Variants in DENND10 observed in about 807,000 individuals in gnomAD.
DENND10 encodes the protein DENN domain-containing protein 10.
DENND10 carries 24 observed loss-of-function variants against 43.6 expected under a neutral mutation model. That is an observed-to-expected ratio of 0.55 (90% CI 0.40 to 0.77). DENND10 has a LOEUF of 0.77. Ranked by LOEUF, DENND10 falls within the 30% of genes least tolerant of loss-of-function variation. The probability of loss-of-function intolerance (pLI) is 0.00; values close to 1 mark genes in which losing one functional copy is unlikely to be tolerated. For missense variants in DENND10, 303 were observed against 429.9 expected (o/e 0.70, Z 2.61); for synonymous variants, 125 against 157.6 (o/e 0.79, Z 1.55).
At chr10:119,121,337 G>T (rs1224470769) in intron 5 of DENND10, among the ~76,000 whole-genome samples, 1 of 151,014 alleles carries the variant, frequency 6.6e-6, no homozygotes, top group Non-Finnish European at 1.5e-5. Flanking sequence ...GGGTTTCTGG[G>T]GTCTCACTAT....
At position 119,130,137 on chromosome 10, in the gene DENND10, T is replaced by A. The variant is rs549017471; in HGVS notation, c.802+515T>A. On this transcript the variant is annotated intron_variant, in intron 7 of 8. Coordinates refer to ENST00000361432, the MANE Select transcript of DENND10 (RefSeq NM_207009.4). ...GTCATGTCTCAGCCTCCCGAGTAGT[T>A]GGGTTTACAGGCATGCACCACCATG... 2.0e-5 allele frequency among the ~76,000 whole-genome samples: 3 copies of A among 152,108 alleles called. No individual in the cohort carries two copies. In the South Asian group the frequency reaches 6.2e-4, roughly 32 times the overall value.
intron 8 of DENND10, chr10:119,133,047 C>T (rs906930324): frequency 1.8e-5 from 3 of 168,228 alleles, no homozygotes; most frequent in Non-Finnish European, 3.8e-5. Flanking sequence ...AGACTCCTGT[C>T]CCACTTAGTG....
intron 7 of DENND10, among the ~76,000 whole-genome samples, chr10:119,130,824 C>G (rs1290618916): frequency 6.6e-6 from 1 of 152,208 alleles, no homozygotes; most frequent in Non-Finnish European, 1.5e-5. Context: ...AATATGACAG[C>G]TGGCTCCCCA....
At chr10:119,109,165 G>A (rs1347697396) in intron 2 of DENND10, among the ~76,000 whole-genome samples, 1 of 148,646 alleles carries the variant, frequency 6.7e-6, no homozygotes, top group Non-Finnish European at 1.5e-5. Flanking sequence ...GTGGTGAGCT[G>A]TGATTGCGCC....
chr10:119,128,727 A>C (rs1589743368), intron 6 of DENND10, among the ~76,000 whole-genome samples: 1 of 152,190 alleles, frequency 6.6e-6, no homozygotes, highest in East Asian at 1.9e-4. Flanking sequence ...GCCTCAGGAA[A>C]CTTACAATCA....
intron 3 of DENND10, among the ~76,000 whole-genome samples, chr10:119,117,086 C>T (rs1845324539): frequency 1.3e-5 from 2 of 152,078 alleles, no homozygotes; most frequent in Non-Finnish European, 2.9e-5. Flanking sequence ...AGCGCAGTAA[C>T]TCAGCAGTAA....
Position 119,132,666 on chromosome 10 carries a change from G to A in DENND10, c.897+57G>A, listed in dbSNP as rs1218216860. ...TCCTGACCCGGTGTCGCTGGGTGGT[G>A]TGCGGCAGAGCTGTGCACATAAGCA... On this transcript the variant is annotated intron_variant, in intron 8 of 8. Transcript: ENST00000361432. This position sits in a 1 kb window ranked among gnomAD's most constrained non-coding sequence, Gnocchi z 4.2. The A allele has an allele frequency of 2.1e-6, 3 of 1,397,756 alleles. No individual in the cohort carries two copies. The highest frequency in any genetic ancestry group is 3.1e-6 in the Non-Finnish European group (3 of 982,718). 86.6% of individuals were successfully genotyped at this position (1,397,756 alleles called of 1,614,324 possible).
intron 6 of DENND10, among the ~76,000 whole-genome samples, chr10:119,125,700 A>G (rs1845799620): frequency 6.6e-6 from 1 of 151,498 alleles, no homozygotes; most frequent in South Asian, 2.1e-4. Flanking sequence ...GGTAGAGAGT[A>G]GAGATGGGGT....
intron 8 of DENND10, among the ~76,000 whole-genome samples, chr10:119,135,802 A>AAAAAC (rs1846315232): frequency 6.7e-6 from 1 of 149,478 alleles, no homozygotes; most frequent in East Asian, 1.9e-4. Context: ...AAAAAAAAAA[A>AAAAAC]AAAAAAAAAA....
intron 6 of DENND10, among the ~76,000 whole-genome samples, chr10:119,124,528 G>A (rs886174987): frequency 5.9e-5 from 9 of 151,954 alleles, no homozygotes; most frequent in Admixed American, 1.3e-4. Flanking sequence ...GCGACAGAGC[G>A]AGACTCTGTC....
intron 1 of DENND10, chr10:119,105,586 C>T: frequency 1.1e-6 from 1 of 947,298 alleles, no homozygotes; most frequent in Admixed American, 4.6e-5. Context: ...TACTTTTGAA[C>T]TAAGGCTAAG....
At chr10:119,119,631 T>G (rs559504381) in intron 4 of DENND10, among the ~76,000 whole-genome samples, 1 of 151,942 alleles carries the variant, frequency 6.6e-6, no homozygotes, top group Non-Finnish European at 1.5e-5. Flanking sequence ...CCCAGGCTGG[T>G]CTCAAACTCC....
At chr10:119,106,487 C>T (rs1589710177) in intron 1 of DENND10, among the ~76,000 whole-genome samples, 2 of 152,068 alleles carry the variant, frequency 1.3e-5, no homozygotes, top group Non-Finnish European at 2.9e-5. Context: ...ACCATAGGCA[C>T]ACACCACCAT....
At chr10:119,104,233 C>G in intron 1 of DENND10, 36 bp downstream of exon 1, 2 of 1,492,808 alleles carry the variant, frequency 1.3e-6, no homozygotes, top group Non-Finnish European at 1.8e-6. Flanking sequence ...AAGCCCGCAC[C>G]CTGGTTCTGC....
chr10:119,109,228 A>G (rs1321348710), intron 2 of DENND10, among the ~76,000 whole-genome samples: 3 of 151,678 alleles, frequency 2.0e-5, no homozygotes, highest in African/African-American at 7.3e-5. Context: ...AAAAAAAAAA[A>G]AAAAGAATTT....
intron 2 of DENND10, among the ~76,000 whole-genome samples, chr10:119,110,515 G>A (rs1398488186): frequency 6.7e-6 from 1 of 150,006 alleles, no homozygotes; most frequent in Non-Finnish European, 1.5e-5. Flanking sequence ...TGGAGTGCAG[G>A]GACAAAATCT....
intron 3 of DENND10, among the ~76,000 whole-genome samples, chr10:119,116,903 C>T (rs1845311444): frequency 6.6e-6 from 1 of 151,330 alleles, no homozygotes; most frequent in Non-Finnish European, 1.5e-5. Flanking sequence ...TGGTCTCCAA[C>T]TTCTGACCTC....
At chr10:119,113,409 G>C (rs1434895931) in intron 3 of DENND10, among the ~76,000 whole-genome samples, 1 of 151,538 alleles carries the variant, frequency 6.6e-6, no homozygotes, top group African/African-American at 2.4e-5. Flanking sequence ...TGTTGCCCAG[G>C]CTGGTCTTGA....
At chr10:119,129,811 T>G (rs1040866954) in intron 7 of DENND10, among the ~76,000 whole-genome samples, 189 bp downstream of exon 7, 1 of 152,246 alleles carries the variant, frequency 6.6e-6, no homozygotes, top group Non-Finnish European at 1.5e-5. Context: ...CGGGTGCTTA[T>G]GCAGCAGAGT....
Sources: gnomAD v4.1 joint callset for allele counts (sites outside exome capture counted in the v4.1 genomes callset) on GRCh38, gnomAD v4.1.1 for gene constraint, Gnocchi (gnomAD v3.1) non-coding constraint, MANE v1.5 for transcripts, NCBI Gene and HGNC (gene_info 2026-07-23, HGNC 2026-07-21) for gene names.